Variants in FBXL20 observed in about 807,000 individuals in gnomAD.
FBXL20 encodes F-box and leucine rich repeat protein 20, also known as F-box/LRR-repeat protein 20.
FBXL20 carries 11 observed loss-of-function variants against 64.0 expected under a neutral mutation model. The observed-to-expected ratio is 0.17, with a 90% CI of 0.11 to 0.28. The LOEUF (loss-of-function observed/expected upper bound fraction) is 0.28. Ranked by LOEUF, FBXL20 falls within the 10% of genes least tolerant of loss-of-function variation. The pLI is 1.00. For synonymous variants in FBXL20, 184 were observed against 189.0 expected (o/e 0.97, Z 0.22); for missense variants, 303 against 526.2 (o/e 0.58, Z 4.15).
At chr17:39,339,769 G>A (rs762957537) in intron 2 of FBXL20, among the ~76,000 whole-genome samples, 1 of 150,626 alleles carries the variant, frequency 6.6e-6, no homozygotes, top group Non-Finnish European at 1.5e-5. Context: ...TCAGCCTCCC[G>A]AGTAGCTGGG....
chr17:39,316,724 G>A (rs540717999), intron 2 of FBXL20, among the ~76,000 whole-genome samples: 9 of 152,342 alleles, frequency 5.9e-5, no homozygotes, highest in Non-Finnish European at 1.3e-4. Context: ...GGTGGCTCAC[G>A]CCTGTAATCC....
At chr17:39,315,827 GAC>G (rs2047283943) in intron 2 of FBXL20, among the ~76,000 whole-genome samples, 7 of 113,966 alleles carry the variant, frequency 6.1e-5, no homozygotes, top group South Asian at 2.6e-4. Context: ...GAGAGAGAGA[GAC>G]AGAGAGAGAG....
At chr17:39,266,423 T>C (rs1387044188) in intron 12 of FBXL20, among the ~76,000 whole-genome samples, 1 of 152,178 alleles carries the variant, frequency 6.6e-6, no homozygotes, top group African/African-American at 2.4e-5. Context: ...TTACACCATG[T>C]TGGCCAGGCA....
chr17:39,395,282 G>C (rs927013497), intron 1 of FBXL20, among the ~76,000 whole-genome samples: 2 of 152,112 alleles, frequency 1.3e-5, no homozygotes, highest in African/African-American at 4.8e-5. Context: ...AAATTAGCCA[G>C]GCATGGTGGC....
At chr17:39,357,057 C>A (rs953073144) in intron 1 of FBXL20, among the ~76,000 whole-genome samples, 1 of 151,002 alleles carries the variant, frequency 6.6e-6, no homozygotes, top group East Asian at 2.0e-4. Context: ...GGTGGATCAC[C>A]GAGGTTGGGA....
intron 1 of FBXL20, among the ~76,000 whole-genome samples, chr17:39,380,437 G>A (rs1164177573): frequency 6.6e-6 from 1 of 152,110 alleles, no homozygotes; most frequent in Non-Finnish European, 1.5e-5. Context: ...AGTACATCAA[G>A]GACACTGCAA....
intron 2 of FBXL20, among the ~76,000 whole-genome samples, chr17:39,329,961 C>G (rs2047444707): frequency 6.6e-6 from 1 of 152,118 alleles, no homozygotes; most frequent in African/African-American, 2.4e-5. Context: ...GTCACCTGCA[C>G]TCCAACCTGG....
At chr17:39,313,424 C>A (rs1034106139) in intron 2 of FBXL20, among the ~76,000 whole-genome samples, 1 of 150,844 alleles carries the variant, frequency 6.6e-6, no homozygotes, top group Non-Finnish European at 1.5e-5. Context: ...GTAGAGACAG[C>A]GTTTCGCCAT....
chr17:39,357,398 T>C (rs1319850902), intron 1 of FBXL20, among the ~76,000 whole-genome samples: 1 of 152,166 alleles, frequency 6.6e-6, no homozygotes, highest in East Asian at 1.9e-4. Context: ...CATTAATCTA[T>C]ACATATATCT....
intron 1 of FBXL20, among the ~76,000 whole-genome samples, chr17:39,353,228 C>A (rs1017210352): frequency 4.6e-5 from 7 of 152,192 alleles, no homozygotes; most frequent in African/African-American, 1.7e-4. Flanking sequence ...TGCAGCTAAA[C>A]TTAGTAATAC....
rs1416320015 is a variant in FBXL20 at position 39,255,298 on chromosome 17, G to T, written c.*6162C>A. 1 of 152,254 alleles carries T rather than the reference G, an allele frequency of 6.6e-6. No homozygotes were observed. Among genetic ancestry groups the T allele is most frequent in the Non-Finnish European group, 1.5e-5 (1 of 68,130 alleles). The allele number at this position is 152,254 out of a possible 1,614,324, so 9.4% of individuals were successfully genotyped here. A position where few individuals can be genotyped will look rare whatever the true frequency, so the allele number is the denominator to read the frequency against. On this transcript the variant is annotated 3_prime_UTR_variant, in exon 15 of 15. Coordinates refer to ENST00000264658, the MANE Select transcript of FBXL20 (RefSeq NM_032875.3). ...TAAAAATACAAAAAATTAGCCGGGC[G>T]TGGTGGCGGGAGCCTGTAGTCCCAG...
At chr17:39,315,514 T>C (rs2144496409) in intron 2 of FBXL20, among the ~76,000 whole-genome samples, 1 of 151,388 alleles carries the variant, frequency 6.6e-6, no homozygotes, top group Non-Finnish European at 1.5e-5. Flanking sequence ...CATAGAAAGG[T>C]AGGTATCAAT....
chr17:39,369,109 A>G, intron 1 of FBXL20, among the ~76,000 whole-genome samples: 1 of 151,902 alleles, frequency 6.6e-6, no homozygotes, highest in East Asian at 1.9e-4. Flanking sequence ...ATTGGATCAA[A>G]CCTCCATGTT....
At chr17:39,297,264 AAATAT>A in intron 5 of FBXL20, 69 bp from the exon 6 acceptor site, 1 of 879,864 alleles carries the variant, frequency 1.1e-6, no homozygotes, top group Non-Finnish European at 1.8e-6. Context: ...AAAAGTAATA[AAATAT>A]ATTATTATTG....
intron 2 of FBXL20, among the ~76,000 whole-genome samples, chr17:39,322,076 T>TC (rs2047361432): frequency 6.8e-6 from 1 of 147,310 alleles, no homozygotes; most frequent in Admixed American, 7.1e-5. Context: ...GCATGGTGGC[T>TC]CATGCCTGGA....
intron 2 of FBXL20, among the ~76,000 whole-genome samples, chr17:39,334,952 T>C (rs1671873713): frequency 6.6e-6 from 1 of 152,146 alleles, no homozygotes; most frequent in Non-Finnish European, 1.5e-5. Context: ...AAAGAATGTG[T>C]AAGCAAAAAC....
intron 2 of FBXL20, among the ~76,000 whole-genome samples, chr17:39,313,539 A>G (rs2047256371): frequency 6.6e-6 from 1 of 151,566 alleles, no homozygotes; most frequent in African/African-American, 2.4e-5. Context: ...AGCCGAGATA[A>G]TTATCTTTAG....
chr17:39,350,035 C>T (rs2047672669), intron 1 of FBXL20, among the ~76,000 whole-genome samples: 1 of 151,762 alleles, frequency 6.6e-6, no homozygotes, highest in South Asian at 2.1e-4. Context: ...CTATGTCCAA[C>T]CCAAATCCAC....
intron 1 of FBXL20, among the ~76,000 whole-genome samples, chr17:39,383,374 A>G (rs1031076702): frequency 2.0e-5 from 3 of 151,974 alleles, no homozygotes; most frequent in African/African-American, 7.2e-5. Context: ...TAATCTTAAC[A>G]TTTTGGAAGG....
Sources: allele counts gnomAD v4.1 joint callset (sites outside exome capture counted in the v4.1 genomes callset), GRCh38; gene constraint gnomAD v4.1.1; transcripts MANE v1.5; gene names NCBI Gene and HGNC (gene_info 2026-07-23, HGNC 2026-07-21).